Variants in NFIC observed in about 807,000 individuals in gnomAD.
NFIC encodes nuclear factor 1 C-type.
NFIC carries 12 observed loss-of-function variants against 54.4 expected under a neutral mutation model. The ratio of observed to expected loss-of-function variants is 0.22; its 90% CI spans 0.14 to 0.36. The LOEUF (loss-of-function observed/expected upper bound fraction) is 0.36. Among genes scored for constraint, NFIC ranks in the 10% least tolerant of loss-of-function variants. The probability of loss-of-function intolerance (pLI) is 1.00; values close to 1 mark genes in which losing one functional copy is unlikely to be tolerated. For synonymous variants in NFIC, 322 were observed against 319.2 expected (o/e 1.01, Z -0.09); for missense variants, 575 against 718.2 (o/e 0.80, Z 2.28).
intron 1 of NFIC, among the ~76,000 whole-genome samples, chr19:3,367,794 G>A (rs936539591): frequency 7.2e-5 from 11 of 152,224 alleles, no homozygotes; most frequent in Non-Finnish European, 1.0e-4. Context: ...CGGCACGTGG[G>A]GGGTGCGATT....
In NFIC at chr19:3,380,226, A is replaced by T. The variant is rs183683124; in HGVS notation, c.31-1486A>T. Among the ~76,000 whole-genome samples, 17 of 146,682 alleles carry T rather than the reference A, an allele frequency of 1.2e-4. No individual in the cohort carries two copies. In the East Asian group the frequency reaches 2.2e-3, roughly 19 times the overall value. Reference sequence around the variant, plus strand: ...TCACTGTGTTAGCCAGGATGGTCTCAATCTCCTGACCTCGTGATCTGCCCG... The same window carrying T: ...TCACTGTGTTAGCCAGGATGGTCTCTATCTCCTGACCTCGTGATCTGCCCG... On this transcript the variant is annotated intron_variant, in intron 1 of 10. Transcript: ENST00000443272.
At chr19:3,431,182 C>A (rs913786535) in intron 3 of NFIC, among the ~76,000 whole-genome samples, 3 of 151,328 alleles carry the variant, frequency 2.0e-5, no homozygotes, top group African/African-American at 7.3e-5. Context: ...CGCCACCATG[C>A]CCGGCTAATT....
chr19:3,439,888 C>G (rs1434643584), intron 6 of NFIC, among the ~76,000 whole-genome samples: 1 of 151,696 alleles, frequency 6.6e-6, no homozygotes, highest in Non-Finnish European at 1.5e-5. Flanking sequence ...CGGGGTTTCA[C>G]CGTGTTAGCC....
intron 3 of NFIC, among the ~76,000 whole-genome samples, chr19:3,429,951 A>AT (rs2082095834): frequency 6.6e-6 from 1 of 152,112 alleles, no homozygotes; most frequent in South Asian, 2.1e-4. Flanking sequence ...AGCTTTGCAG[A>AT]TTTTAACAAG....
chr19:3,365,628 G>A (rs1279484847), upstream of NFIC, among the ~76,000 whole-genome samples: 1 of 152,194 alleles, frequency 6.6e-6, no homozygotes, highest in Non-Finnish European at 1.5e-5. Context: ...CCATACCTCA[G>A]TCTTGAGATC....
intron 6 of NFIC, among the ~76,000 whole-genome samples, chr19:3,442,870 G>C (rs8100024): frequency 6.6e-6 from 1 of 152,108 alleles, no homozygotes; most frequent in Admixed American, 6.5e-5. Context: ...AGCTCTGCAC[G>C]GGGCAGCTGT....
chr19:3,366,378 G>A (rs1041716031), upstream of NFIC, among the ~76,000 whole-genome samples: 1 of 150,774 alleles, frequency 6.6e-6, no homozygotes, highest in African/African-American at 2.5e-5. Flanking sequence ...AGGGTAGAGA[G>A]AGAGACAGAG....
chr19:3,443,747 C>T (rs1445340894), intron 6 of NFIC, among the ~76,000 whole-genome samples: 1 of 152,152 alleles, frequency 6.6e-6, no homozygotes, highest in Non-Finnish European at 1.5e-5. Flanking sequence ...GTTGTCACGA[C>T]TGCAGGGTGG....
At chr19:3,421,445 G>C (rs1014797751) in intron 2 of NFIC, among the ~76,000 whole-genome samples, 2 of 152,384 alleles carry the variant, frequency 1.3e-5, no homozygotes, top group East Asian at 3.9e-4. Flanking sequence ...AGCTCCGAGG[G>C]GCCGCTGGCA....
intron 2 of NFIC, among the ~76,000 whole-genome samples, chr19:3,422,982 A>G (rs1434984047): frequency 1.3e-5 from 2 of 151,234 alleles, no homozygotes; most frequent in Non-Finnish European, 1.5e-5. Context: ...GGATCACCTG[A>G]GGTCAGGAGT....
At chr19:3,448,086 T>C (rs1171379832) in intron 6 of NFIC, among the ~76,000 whole-genome samples, 1 of 150,064 alleles carries the variant, frequency 6.7e-6, no homozygotes, top group Non-Finnish European at 1.5e-5. Flanking sequence ...CTGTTTTTTG[T>C]GTTTGTGATG....
intron 2 of NFIC, among the ~76,000 whole-genome samples, chr19:3,395,865 A>C (rs1180476344): frequency 6.6e-6 from 1 of 152,010 alleles, no homozygotes; most frequent in Non-Finnish European, 1.5e-5. Context: ...TTTTTAGTAG[A>C]GATGGGATTT....
At chr19:3,413,345 G>A (rs1166950739) in intron 2 of NFIC, among the ~76,000 whole-genome samples, 1 of 152,086 alleles carries the variant, frequency 6.6e-6, no homozygotes, top group Admixed American at 6.6e-5. Context: ...GGGGAACCGA[G>A]ACCCCTCCTA....
chr19:3,396,852 A>T (rs570574417), intron 2 of NFIC, among the ~76,000 whole-genome samples: 2 of 152,272 alleles, frequency 1.3e-5, no homozygotes, highest in Non-Finnish European at 2.9e-5. Context: ...GCTACTCGGG[A>T]GGCTGAGGCA....
upstream of NFIC, among the ~76,000 whole-genome samples, chr19:3,366,387 A>G (rs2080882897): frequency 6.7e-6 from 1 of 148,776 alleles, no homozygotes; most frequent in Non-Finnish European, 1.5e-5. Flanking sequence ...AGAGAGACAG[A>G]GAGACAGAGA....
At chr19:3,454,272 C>G in intron 9 of NFIC, 10 of 1,118,406 alleles carry the variant, frequency 8.9e-6, no homozygotes, top group Non-Finnish European at 1.1e-5. Flanking sequence ...GGGCCAGACT[C>G]GACCCCCAGA....
rs530182822 is a variant in NFIC, at chr19:3,389,932, C to T, written c.562+7689C>T. Among the ~76,000 whole-genome samples the T allele has an allele frequency of 1.4e-4, 21 of 152,306 alleles. No individual in the cohort carries two copies. The South Asian group carries it at 3.7e-3, about 27-fold the overall frequency. ...CCGGGAGAAGGAGGTTGCGGTGAAC[C>T]GAGATTGCGCCATTGCGCTCCAGCC... On this transcript the variant is annotated intron_variant, in intron 2 of 10. Transcript: ENST00000443272.
At chr19:3,396,471 C>CAAA (rs60749462) in intron 2 of NFIC, among the ~76,000 whole-genome samples, 6 of 55,506 alleles carry the variant, frequency 1.1e-4, no homozygotes, top group Non-Finnish European at 2.4e-4. Flanking sequence ...GACTCCGTCT[C>CAAA]AAAAAAAAAA....
chr19:3,378,903 G>T (rs2081151950), intron 1 of NFIC, among the ~76,000 whole-genome samples: 1 of 152,088 alleles, frequency 6.6e-6, no homozygotes, highest in Non-Finnish European at 1.5e-5. Context: ...ATTAATCCTG[G>T]TGCACTTGAA....
Sources: allele counts gnomAD v4.1 joint callset (sites outside exome capture counted in the v4.1 genomes callset), GRCh38; gene constraint gnomAD v4.1.1; transcripts MANE v1.5; gene names NCBI Gene and HGNC (gene_info 2026-07-23, HGNC 2026-07-21).